PCDH9: variants seen among roughly 807,000 people sequenced by gnomAD.
PCDH9 encodes protocadherin-9.
A neutral mutation model predicts 70.6 loss-of-function variants in PCDH9; 24 were observed. The observed-to-expected ratio is 0.34, with a 90% CI of 0.25 to 0.48. PCDH9 has a LOEUF of 0.48. Among genes scored for constraint, PCDH9 ranks in the 20% least tolerant of loss-of-function variants. The pLI is 0.99. For synonymous variants in PCDH9, 562 were observed against 558.5 expected (o/e 1.01, Z -0.09); for missense variants, 1,281 against 1,503.6 (o/e 0.85, Z 2.45).
At chr13:66,612,475 A>G (rs1285070112) in intron 4 of PCDH9, among the ~76,000 whole-genome samples, 7 of 152,226 alleles carry the variant, frequency 4.6e-5, no homozygotes, top group South Asian at 4.1e-4. Flanking sequence ...GCAAATAACT[A>G]TAATATAAAT....
intron 2 of PCDH9, among the ~76,000 whole-genome samples, chr13:67,028,415 C>A (rs169002): frequency 8.6e-6 from 1 of 115,700 alleles, no homozygotes; most frequent in Non-Finnish European, 1.7e-5. Flanking sequence ...CTGGGAACTG[C>A]TGTGGGGTGG....
intron 2 of PCDH9, among the ~76,000 whole-genome samples, chr13:67,172,247 C>T (rs910721863): frequency 2.6e-5 from 4 of 152,072 alleles, no homozygotes; most frequent in Non-Finnish European, 4.4e-5. Flanking sequence ...GAAAGTAGAA[C>T]GTTGGAAGGC....
chr13:66,941,329 T>G (rs2083003118), intron 2 of PCDH9, among the ~76,000 whole-genome samples: 1 of 150,512 alleles, frequency 6.6e-6, no homozygotes, highest in African/African-American at 2.4e-5. Context: ...CCAAAACAAG[T>G]CTGAAAAAGC....
At chr13:66,682,165 TG>T (rs555668935) in intron 3 of PCDH9, among the ~76,000 whole-genome samples, 173 of 152,036 alleles carry the variant, frequency 1.1e-3, no homozygotes, top group African/African-American at 4.0e-3. Flanking sequence ...TTTTAGAGAT[TG>T]TTTTTCCCCA....
intron 4 of PCDH9, among the ~76,000 whole-genome samples, chr13:66,440,191 T>C (rs1351203299): frequency 1.3e-5 from 2 of 152,200 alleles, no homozygotes; most frequent in Non-Finnish European, 2.9e-5. Context: ...TGTGCTTTCA[T>C]ATGCCAATGT....
chr13:66,333,260 C>T (rs1021515879), intron 4 of PCDH9, among the ~76,000 whole-genome samples: 9 of 152,046 alleles, frequency 5.9e-5, no homozygotes, highest in African/African-American at 2.2e-4. Context: ...TCAAAGGATA[C>T]GATGGAGATT....
intron 2 of PCDH9, among the ~76,000 whole-genome samples, chr13:67,148,179 G>A (rs2087568906): frequency 6.7e-6 from 1 of 150,252 alleles, no homozygotes; most frequent in African/African-American, 2.4e-5. Context: ...GCGTATCTAA[G>A]ATGTTAAGGC....
chr13:67,072,461 C>T (rs1465458853), intron 2 of PCDH9, among the ~76,000 whole-genome samples: 2 of 152,128 alleles, frequency 1.3e-5, no homozygotes, highest in African/African-American at 4.8e-5. Context: ...CACAGTTTTC[C>T]TTGGGCCTTT....
At chr13:66,966,166 G>A (rs1428355980) in intron 2 of PCDH9, among the ~76,000 whole-genome samples, 1 of 152,086 alleles carries the variant, frequency 6.6e-6, no homozygotes, top group East Asian at 1.9e-4. Context: ...TCCCACCTCA[G>A]CAACTCAGTA....
intron 2 of PCDH9, among the ~76,000 whole-genome samples, chr13:66,944,696 G>T (rs1238704991): frequency 6.6e-6 from 1 of 152,130 alleles, no homozygotes; most frequent in African/African-American, 2.4e-5. Context: ...AACCCTCCCT[G>T]GGGAGGTTTG....
At chr13:67,044,360 A>C (rs1183405117) in intron 2 of PCDH9, among the ~76,000 whole-genome samples, 3 of 152,158 alleles carry the variant, frequency 2.0e-5, no homozygotes, top group Non-Finnish European at 2.9e-5. Flanking sequence ...AGAGACAAAA[A>C]TTCACATCAC....
At chr13:66,754,189 C>T (rs2079505233) in intron 3 of PCDH9, among the ~76,000 whole-genome samples, 1 of 151,860 alleles carries the variant, frequency 6.6e-6, no homozygotes, top group African/African-American at 2.4e-5. Context: ...CACATAGGCA[C>T]AGGGAGGGGA....
At position 66,747,349 on chromosome 13, in the gene PCDH9, TCAAAACAAAA is replaced by T. The variant is rs60690085; in HGVS notation, c.3139-115948_3139-115939del. Among the ~76,000 whole-genome samples, 1,420 of 147,322 alleles carry T rather than the reference TCAAAACAAAA, an allele frequency of 9.6e-3. 15 individuals are homozygous for T. The highest frequency in any genetic ancestry group is 0.03 in the African/African-American group (1,202 of 40,446). ...CTGGGCAACAGTGCGAGACGCCATC[TCAAAACAAAA>T]CAAAACAAAACAAAACAAAACAAAA... On this transcript the variant is annotated intron_variant, in intron 3 of 4. Coordinates refer to ENST00000377865, the MANE Select transcript of PCDH9 (RefSeq NM_203487.3).
At chr13:66,910,760 C>T (rs1336767806) in intron 2 of PCDH9, among the ~76,000 whole-genome samples, 2 of 152,070 alleles carry the variant, frequency 1.3e-5, no homozygotes, top group Admixed American at 6.6e-5. Context: ...TTAGGTGCCA[C>T]GTACCGTAAC....
chr13:66,539,197 C>T (rs1447589388), intron 4 of PCDH9, among the ~76,000 whole-genome samples: 2 of 152,044 alleles, frequency 1.3e-5, no homozygotes, highest in Non-Finnish European at 2.9e-5. Flanking sequence ...ACATCCACTA[C>T]CTTCACCTCT....
chr13:66,957,334 C>T (rs1374325759), intron 2 of PCDH9, among the ~76,000 whole-genome samples: 3 of 152,130 alleles, frequency 2.0e-5, no homozygotes, highest in Non-Finnish European at 4.4e-5. Flanking sequence ...AAATAGCCTT[C>T]TAACAGAGTA....
chr13:66,831,703 CAA>C (rs550958612), intron 3 of PCDH9, among the ~76,000 whole-genome samples: 266 of 152,206 alleles, frequency 1.7e-3, no homozygotes, highest in Non-Finnish European at 3.2e-3. Flanking sequence ...AAGATGTGTC[CAA>C]ATCAATTGTT....
chr13:66,410,138 T>C (rs1957344712), intron 4 of PCDH9, among the ~76,000 whole-genome samples: 1 of 152,192 alleles, frequency 6.6e-6, no homozygotes, highest in Admixed American at 6.5e-5. Context: ...TTTTATCTGT[T>C]ATTGTAATAA....
At chr13:67,150,470 G>A (rs1445476258) in intron 2 of PCDH9, among the ~76,000 whole-genome samples, 5 of 152,168 alleles carry the variant, frequency 3.3e-5, no homozygotes, top group Non-Finnish European at 7.3e-5. Context: ...AAAAAGGATG[G>A]AAAACTAGGA....
Sources: gnomAD v4.1 joint callset for allele counts (sites outside exome capture counted in the v4.1 genomes callset) on GRCh38, gnomAD v4.1.1 for gene constraint, MANE v1.5 for transcripts, NCBI Gene and HGNC (gene_info 2026-07-23, HGNC 2026-07-21) for gene names.